The following UFSP2 variants were observed in gnomAD, a reference collection of about 807,000 sequenced individuals.
UFSP2 encodes UFM1 specific peptidase 2, also known as ufm1-specific protease 2.
UFSP2 carries 43 observed loss-of-function variants against 60.2 expected under a neutral mutation model. That is an observed-to-expected ratio of 0.71 (90% CI 0.56 to 0.92). The LOEUF (loss-of-function observed/expected upper bound fraction) is 0.92. Ranked by LOEUF, UFSP2 falls within the 40% of genes least tolerant of loss-of-function variation. The pLI, the probability that UFSP2 is intolerant of heterozygous loss-of-function variation, is 0.00. For synonymous variants in UFSP2, 183 were observed against 195.1 expected (o/e 0.94, Z 0.52); for missense variants, 520 against 575.0 (o/e 0.90, Z 0.98).
intron 1 of UFSP2, among the ~76,000 whole-genome samples, chr4:185,423,451 C>T (rs1054222095): frequency 6.6e-6 from 1 of 152,048 alleles, no homozygotes; most frequent in Non-Finnish European, 1.5e-5. Flanking sequence ...TATTCATAGG[C>T]TTGATCTAGT....
At chr4:185,417,815 A>T (rs2095541438) in intron 4 of UFSP2, among the ~76,000 whole-genome samples, 1 of 152,110 alleles carries the variant, frequency 6.6e-6, no homozygotes. Flanking sequence ...AGCCTGAGGC[A>T]GGTGGATCGC....
chr4:185,422,114 AG>A (rs2095550502), intron 2 of UFSP2, among the ~76,000 whole-genome samples: 1 of 152,204 alleles, frequency 6.6e-6, no homozygotes, highest in Non-Finnish European at 1.5e-5. Context: ...CATATAATGT[AG>A]TATTTAAGAG....
chr4:185,405,683 T>C, intron 10 of UFSP2, 97 bp downstream of exon 10: 1 of 1,398,200 alleles, frequency 7.2e-7, no homozygotes, highest in South Asian at 1.3e-5. Context: ...TTCAAAATTT[T>C]TTAAATGACT....
chr4:185,404,979 C>T (rs1040656499), intron 10 of UFSP2, among the ~76,000 whole-genome samples: 6 of 150,816 alleles, frequency 4.0e-5, no homozygotes, highest in African/African-American at 1.5e-4. Context: ...TGATATTTTG[C>T]TGACATCAGC....
At chr4:185,411,514 T>C (rs973595098) in intron 7 of UFSP2, among the ~76,000 whole-genome samples, 1 of 152,102 alleles carries the variant, frequency 6.6e-6, no homozygotes, top group Non-Finnish European at 1.5e-5. Flanking sequence ...CGTAAAATAT[T>C]AGCAAATGGA....
chr4:185,402,723 A>AC (rs1288471382), intron 11 of UFSP2, among the ~76,000 whole-genome samples: 2 of 152,156 alleles, frequency 1.3e-5, no homozygotes, highest in African/African-American at 2.4e-5. Flanking sequence ...TGATCTGCCC[A>AC]CCTCAGCCTC....
intron 4 of UFSP2, among the ~76,000 whole-genome samples, chr4:185,417,183 C>T (rs2095540265): frequency 6.6e-6 from 1 of 152,140 alleles, no homozygotes; most frequent in African/African-American, 2.4e-5. Context: ...CTGTGGTATT[C>T]CTGCCAATAG....
rs777389551 is a variant in UFSP2, at chr4:185,425,877, C to T, written c.-9G>A. On this transcript the variant is annotated 5_prime_UTR_variant, in exon 1 of 12. Coordinates refer to ENST00000264689, the MANE Select transcript of UFSP2 (RefSeq NM_018359.5). ...GCAGAGATACTCACCATGTCCGCGA[C>T]GTGGCGGTGACACGGGCGCTGACGC... 1.9e-6 allele frequency: 3 copies of T among 1,602,408 alleles called. No individual in the cohort carries two copies. The highest frequency in any genetic ancestry group is 4.5e-5 in the East Asian group (2 of 44,270).
chr4:185,415,751 G>A lies in UFSP2; in HGVS notation c.450C>T (p.Val150=), dbSNP rs746849602. Residue 150 remains valine, a synonymous_variant, in exon 5 of 12, where the codon GTC becomes GTT. Transcript: ENST00000264689. The stretch of plus-strand genomic sequence containing the variant: ...CTGGAGCAACAGATATAACTGCATC[G>A]ACAGGTAAAGTCATATTAACATAAT... ...GHHYVNMTLP[V]DAVISVAPEE... 7.4e-6 allele frequency: 12 copies of A among 1,613,116 alleles called. No individual in the cohort carries two copies. Among genetic ancestry groups the A allele is most frequent in the East Asian group, 2.2e-5 (1 of 44,858 alleles).
At chr4:185,404,998 A>AT (rs2095518560) in intron 10 of UFSP2, among the ~76,000 whole-genome samples, 1 of 105,102 alleles carries the variant, frequency 9.5e-6, no homozygotes. Context: ...GCCTACCTCC[A>AT]TTTCTTTTTT....
chr4:185,400,129 G>C lies in UFSP2; in HGVS notation c.*263C>G. 9.7e-7 allele frequency: 1 copy of C among 1,031,644 alleles called. No homozygotes were observed. The highest frequency in any genetic ancestry group is 1.4e-6 in the Non-Finnish European group (1 of 698,542). 63.9% of individuals were successfully genotyped at this position (1,031,644 alleles called of 1,614,324 possible). On this transcript the variant is annotated 3_prime_UTR_variant, in exon 12 of 12. Coordinates refer to ENST00000264689, the MANE Select transcript of UFSP2 (RefSeq NM_018359.5). ...TGTCTAATCTCCTTCTGAGAAGGACGAAAAACTTTCTTCCAAGTGAAGATC... is the reference window on the plus strand; with the variant it reads ...TGTCTAATCTCCTTCTGAGAAGGACCAAAAACTTTCTTCCAAGTGAAGATC...
intron 6 of UFSP2, 96 bp downstream of exon 6, chr4:185,415,059 C>A: frequency 1.9e-6 from 2 of 1,079,412 alleles, no homozygotes; most frequent in Non-Finnish European, 2.6e-6. Flanking sequence ...TAAGTTAAAT[C>A]ACAAAATACC....
At chr4:185,413,676 T>C (rs760111490) in intron 7 of UFSP2, 50 bp downstream of exon 7, 15 of 1,544,706 alleles carry the variant, frequency 9.7e-6, no homozygotes, top group Non-Finnish European at 1.3e-5. Flanking sequence ...AAAAAACAAC[T>C]AATAACATTA....
chr4:185,412,989 A>G (rs1000792969), intron 7 of UFSP2, among the ~76,000 whole-genome samples: 1 of 152,124 alleles, frequency 6.6e-6, no homozygotes, highest in Admixed American at 6.5e-5. Context: ...TACATGGAAA[A>G]TAAGTCTAGT....
intron 7 of UFSP2, among the ~76,000 whole-genome samples, chr4:185,410,945 C>A (rs200474234): frequency 0.011 from 1,209 of 113,476 alleles, no homozygotes; most frequent in Non-Finnish European, 0.012. Context: ...GACTCCATCT[C>A]AAAAAAAAAA....
In UFSP2 at chr4:185,399,976, T is replaced by C; in HGVS notation, c.*416A>G. 6.3e-7 allele frequency: 1 copy of C among 1,595,246 alleles called. No homozygotes were observed. On this transcript the variant is annotated 3_prime_UTR_variant, in exon 12 of 12. Transcript: ENST00000264689. ...TGGAAGTTTGGGGATAAAACTCTTTTTAAAAAAAAGTTTTTAATGTTAACG... is the reference window on the plus strand; with the variant it reads ...TGGAAGTTTGGGGATAAAACTCTTTCTAAAAAAAAGTTTTTAATGTTAACG...
chr4:185,403,588 C>T lies in UFSP2; in HGVS notation c.1229G>A (p.Gly410Glu). The change falls in exon 11 of 12, where the codon GGA (glycine) becomes GAA (glutamate). Residue 410 changes from glycine (G) to glutamate (E), a missense_variant. Gly to Glu is a moderately conservative substitution (Grantham distance 98). Transcript: ENST00000264689. ...CCCTGTAATCTCATTCCATGCAACT[C>T]CTAGTATTGTGTGGGCCAAAACTCC... ...GGGVLAHTIL[G>E]VAWNEITGQI... 1 of 1,614,016 alleles carries T rather than the reference C, an allele frequency of 6.2e-7. No individual in the cohort carries two copies. Among genetic ancestry groups the T allele is most frequent in the Non-Finnish European group, 8.5e-7 (1 of 1,180,000 alleles).
intron 10 of UFSP2, 110 bp from the exon 11 acceptor site, chr4:185,403,728 C>A: frequency 7.3e-7 from 1 of 1,367,280 alleles, no homozygotes; most frequent in Non-Finnish European, 9.7e-7. Context: ...CACCTGTAAT[C>A]CCAGCACTTT....
intron 1 of UFSP2, among the ~76,000 whole-genome samples, chr4:185,425,583 G>C (rs541523634): frequency 3.3e-5 from 5 of 152,326 alleles, no homozygotes; most frequent in African/African-American, 4.8e-5. Context: ...TTCTTGCAAG[G>C]CTTCAAAAAC....
Sources: gnomAD v4.1 joint callset for allele counts (sites outside exome capture counted in the v4.1 genomes callset) on GRCh38, gnomAD v4.1.1 for gene constraint, MANE v1.5 for transcripts, NCBI Gene and HGNC (gene_info 2026-07-23, HGNC 2026-07-21) for gene names.